Variants in TRAPPC9 observed in about 807,000 individuals in gnomAD.
TRAPPC9 encodes IKK2 binding protein.
In TRAPPC9, 83 loss-of-function variants were observed where a neutral mutation model predicts 124.0. That is an observed-to-expected ratio of 0.67 (90% CI 0.56 to 0.80). The LOEUF (loss-of-function observed/expected upper bound fraction) is 0.80. Ranked by LOEUF, TRAPPC9 falls within the 30% of genes least tolerant of loss-of-function variation. The probability of loss-of-function intolerance (pLI) is 0.00; values close to 1 mark genes in which losing one functional copy is unlikely to be tolerated. For synonymous variants in TRAPPC9, 638 were observed against 617.5 expected, an observed-to-expected ratio of 1.03 and a Z score of -0.49; for missense variants, 1,302 against 1,508.3, an observed-to-expected ratio of 0.86 and a Z score of 2.27.
rs546628350 is a variant in TRAPPC9 at position 140,244,670 on chromosome 8, C to T, written c.2431+8107G>A. On this transcript the variant is annotated intron_variant, in intron 16 of 22. Coordinates refer to ENST00000438773, the MANE Select transcript of TRAPPC9 (RefSeq NM_001160372.4). ...GTCCCTCAGACAAAGAGGGCACGTG[C>T]AGCAGCCTGGCTCGATCTTCTGGAT... 5.9e-5 allele frequency among the ~76,000 whole-genome samples: 9 copies of T among 152,304 alleles called. No homozygotes were observed. The South Asian group carries it at 1.5e-3, about 25-fold the overall frequency.
At chr8:140,152,355 C>CTTTTTTTTT (rs34124150) in intron 17 of TRAPPC9, among the ~76,000 whole-genome samples, 1 of 93,856 alleles carries the variant, frequency 1.1e-5, no homozygotes, top group African/African-American at 4.5e-5. Context: ...ATATTGCCAT[C>CTTTTTTTTT]TTTTTTTTTT....
intron 19 of TRAPPC9, among the ~76,000 whole-genome samples, chr8:139,923,798 G>C (rs1470757910): frequency 6.6e-6 from 1 of 152,208 alleles, no homozygotes; most frequent in African/African-American, 2.4e-5. Context: ...ACTCAGTAGA[G>C]AGCTGACTGG....
rs570200041 is a variant in TRAPPC9 at position 139,870,467 on chromosome 8, C to T, written c.3055+15412G>A. Among the ~76,000 whole-genome samples the T allele has an allele frequency of 4.6e-5, 7 of 152,216 alleles. No homozygotes were observed. In the South Asian group the frequency reaches 1.2e-3, roughly 27 times the overall value. Reference sequence around the variant, plus strand: ...CTCTGGTGAGGAATGACATATTTCACGAGGATATTTGTTGCCATCATGCTT... The same window carrying T: ...CTCTGGTGAGGAATGACATATTTCATGAGGATATTTGTTGCCATCATGCTT... On this transcript the variant is annotated intron_variant, in intron 21 of 22. Coordinates refer to ENST00000438773, the MANE Select transcript of TRAPPC9 (RefSeq NM_001160372.4).
chr8:139,977,460 T>C (rs564569988), intron 19 of TRAPPC9, among the ~76,000 whole-genome samples: 2 of 151,272 alleles, frequency 1.3e-5, no homozygotes, highest in South Asian at 4.2e-4. Context: ...CTAGTAAAAA[T>C]ACAAAAAATT....
chr8:140,228,640 A>G (rs531565348), intron 16 of TRAPPC9, among the ~76,000 whole-genome samples: 15 of 152,130 alleles, frequency 9.9e-5, no homozygotes, highest in Non-Finnish European at 1.9e-4. Flanking sequence ...GCCCTCACTG[A>G]CATCAGAAGC....
chr8:140,294,107 C>T (rs534536959), intron 11 of TRAPPC9, among the ~76,000 whole-genome samples: 30 of 152,114 alleles, frequency 2.0e-4, no homozygotes, highest in African/African-American at 6.5e-4. Context: ...AACTGAGATT[C>T]GAACTCCAGT....
intron 21 of TRAPPC9, among the ~76,000 whole-genome samples, chr8:139,791,344 C>T (rs1822656251): frequency 6.6e-6 from 1 of 150,930 alleles, no homozygotes; most frequent in Non-Finnish European, 1.5e-5. Context: ...CACGCTCACA[C>T]TCACACAGGC....
intron 21 of TRAPPC9, among the ~76,000 whole-genome samples, chr8:139,882,617 G>A (rs949112449): frequency 3.9e-5 from 6 of 152,294 alleles, no homozygotes; most frequent in Admixed American, 3.9e-4. Context: ...TCCCACCACT[G>A]GCCCACGTCA....
At chr8:140,272,013 C>CAG (rs78874633) in intron 15 of TRAPPC9, among the ~76,000 whole-genome samples, 56,773 of 147,640 alleles carry the variant, frequency 0.38, 11,190 homozygotes, top group African/African-American at 0.47. Flanking sequence ...ATGGTGGTGA[C>CAG]GGGTGATGGT....
intron 1 of TRAPPC9, chr8:140,456,900 A>C: frequency 1.1e-6 from 1 of 939,146 alleles, no homozygotes; most frequent in Non-Finnish European, 1.3e-6. Flanking sequence ...CGGTTAACAG[A>C]CATTCACGTT....
At chr8:140,012,903 T>A (rs1467263052) in intron 18 of TRAPPC9, among the ~76,000 whole-genome samples, 1 of 152,102 alleles carries the variant, frequency 6.6e-6, no homozygotes, top group East Asian at 1.9e-4. Context: ...ACCTGGAAAA[T>A]GCTTCCTAAG....
intron 17 of TRAPPC9, among the ~76,000 whole-genome samples, chr8:140,175,552 C>G (rs1481554468): frequency 6.6e-6 from 1 of 152,196 alleles, no homozygotes; most frequent in African/African-American, 2.4e-5. Flanking sequence ...CCAGAGTAAA[C>G]TCTACTTGCT....
intron 21 of TRAPPC9, among the ~76,000 whole-genome samples, chr8:139,835,692 GA>G (rs2130861513): frequency 6.6e-6 from 1 of 152,082 alleles, no homozygotes; most frequent in Admixed American, 6.5e-5. Context: ...AGATTGATAA[GA>G]GCTGTCAGAG....
intron 20 of TRAPPC9, among the ~76,000 whole-genome samples, chr8:139,895,640 C>T (rs527904752): frequency 5.9e-5 from 9 of 152,316 alleles, no homozygotes; most frequent in South Asian, 2.1e-4. Context: ...TGAGAGTTCA[C>T]TATGGGCCTG....
chr8:139,739,235 C>G (rs906110348), intron 21 of TRAPPC9, among the ~76,000 whole-genome samples: 1 of 151,882 alleles, frequency 6.6e-6, no homozygotes, highest in South Asian at 2.1e-4. Context: ...CCCGGACACC[C>G]AGCCCCAGCC....
intron 14 of TRAPPC9, among the ~76,000 whole-genome samples, chr8:140,276,129 G>T (rs924952831): frequency 6.6e-6 from 1 of 152,084 alleles, no homozygotes; most frequent in African/African-American, 2.4e-5. Context: ...TAAGTTATGG[G>T]GTATAAAAAT....
At chr8:140,181,053 T>A (rs2062190496) in intron 17 of TRAPPC9, among the ~76,000 whole-genome samples, 1 of 152,248 alleles carries the variant, frequency 6.6e-6, no homozygotes, top group Admixed American at 6.5e-5. Context: ...TTCTGCTTTC[T>A]ATTCCTGGAT....
intron 17 of TRAPPC9, among the ~76,000 whole-genome samples, chr8:140,137,418 G>A (rs1470099969): frequency 1.3e-5 from 2 of 152,230 alleles, no homozygotes; most frequent in Non-Finnish European, 2.9e-5. Flanking sequence ...AGAGATGAGT[G>A]TCCAAAGTGC....
intron 21 of TRAPPC9, among the ~76,000 whole-genome samples, chr8:139,744,051 C>T (rs967080905): frequency 1.3e-5 from 2 of 152,166 alleles, no homozygotes; most frequent in Admixed American, 1.3e-4. Flanking sequence ...TCACTGCCAC[C>T]GCCACACACG....
Sources: gnomAD v4.1 joint callset for allele counts (sites outside exome capture counted in the v4.1 genomes callset) on GRCh38, gnomAD v4.1.1 for gene constraint, MANE v1.5 for transcripts, NCBI Gene and HGNC (gene_info 2026-07-23, HGNC 2026-07-21) for gene names.